The following DGKG variants were observed in gnomAD, a reference collection of about 807,000 sequenced individuals.
DGKG encodes diacylglycerol kinase gamma.
In DGKG, 78 loss-of-function variants were observed where a neutral mutation model predicts 105.3. The ratio of observed to expected loss-of-function variants is 0.74; its 90% CI spans 0.62 to 0.89. The LOEUF (loss-of-function observed/expected upper bound fraction) is 0.89, where lower values mean the gene tolerates loss of function less well. DGKG is among the 40% of genes least tolerant of loss of function. The pLI is 0.00. For synonymous variants in DGKG, 346 were observed against 367.1 expected (o/e 0.94, Z 0.66); for missense variants, 958 against 1,020.1 (o/e 0.94, Z 0.83).
At chr3:186,266,884 A>G (rs1396804307) in intron 13 of DGKG, among the ~76,000 whole-genome samples, 1 of 152,200 alleles carries the variant, frequency 6.6e-6, no homozygotes, top group Admixed American at 6.5e-5. Flanking sequence ...GGCATGAGCC[A>G]CCGTGGCTGG....
At chr3:186,173,211 G>A (rs1716907734) in intron 22 of DGKG, among the ~76,000 whole-genome samples, 1 of 152,220 alleles carries the variant, frequency 6.6e-6, no homozygotes, top group South Asian at 2.1e-4. Flanking sequence ...TGAGGTGCTG[G>A]GGGTTAGGGC....
intron 5 of DGKG, among the ~76,000 whole-genome samples, chr3:186,293,482 C>T (rs755624345): frequency 6.6e-6 from 1 of 152,202 alleles, no homozygotes; most frequent in Non-Finnish European, 1.5e-5. Flanking sequence ...AACACCAGGA[C>T]ACTGAAGTTC....
At chr3:186,232,684 T>C (rs1720212184) in intron 20 of DGKG, among the ~76,000 whole-genome samples, 1 of 152,212 alleles carries the variant, frequency 6.6e-6, no homozygotes, top group African/African-American at 2.4e-5. Context: ...AATAACACTG[T>C]CTGATGTATT....
At chr3:186,357,724 C>T (rs913935260) in intron 1 of DGKG, among the ~76,000 whole-genome samples, 3 of 152,178 alleles carry the variant, frequency 2.0e-5, no homozygotes, top group Non-Finnish European at 4.4e-5. Flanking sequence ...CTCATCTCTT[C>T]GGGGCTAGGC....
At chr3:186,299,315 G>A (rs565702385) in intron 3 of DGKG, among the ~76,000 whole-genome samples, 1 of 152,260 alleles carries the variant, frequency 6.6e-6, no homozygotes, top group South Asian at 2.1e-4. Context: ...GTCTGTTCTG[G>A]GAGATCTGGG....
At chr3:186,335,814 A>T (rs983110523) in intron 1 of DGKG, among the ~76,000 whole-genome samples, 5 of 152,224 alleles carry the variant, frequency 3.3e-5, no homozygotes, top group Non-Finnish European at 7.3e-5. Context: ...TTATTTCCAC[A>T]AGATTTCACC....
chr3:186,247,695 G>A (rs1721008617), intron 19 of DGKG, among the ~76,000 whole-genome samples: 1 of 151,922 alleles, frequency 6.6e-6, no homozygotes, highest in African/African-American at 2.4e-5. Flanking sequence ...ACATTTTATT[G>A]AGAGAAAGCC....
rs776994759 is a variant in DGKG at position 186,242,557 on chromosome 3, A to C, written c.1773T>G (p.Ile591Met). 3 of 1,613,588 alleles carry C rather than the reference A, an allele frequency of 1.9e-6. No individual in the cohort carries two copies. Among genetic ancestry groups the C allele is most frequent in the Non-Finnish European group, 2.5e-6 (3 of 1,179,692 alleles). ...CTCTCATCACATGGAATCTGTGTGC[A>C]ATGGAAGCGTCCTGAAAGTGAAAGA... Reference protein sequence around the residue: ...NYFSIGVDASIAHRFHVMREK... With the variant: ...NYFSIGVDASMAHRFHVMREK... Residue 591 changes from isoleucine (I) to methionine (M), a missense_variant, in exon 20 of 25, where the codon ATT becomes ATG. Ile to Met is a conservative substitution (Grantham distance 10). Transcript: ENST00000265022.
chr3:186,297,635 A>G (rs1175673969), intron 4 of DGKG, 152 bp from the exon 5 acceptor site: 3 of 638,172 alleles, frequency 4.7e-6, no homozygotes, highest in Non-Finnish European at 8.3e-6. Context: ...GCTTATTGGG[A>G]TTGGCTGTGT....
At chr3:186,313,517 A>G in intron 2 of DGKG, 5 of 985,360 alleles carry the variant, frequency 5.1e-6, no homozygotes, top group Non-Finnish European at 4.8e-6. Flanking sequence ...ATTTCAAGTG[A>G]AGGTGGAGGA....
At chr3:186,164,451 A>G (rs747000006) in intron 23 of DGKG, among the ~76,000 whole-genome samples, 22 of 152,224 alleles carry the variant, frequency 1.4e-4, no homozygotes, top group Non-Finnish European at 3.1e-4. Context: ...GGCTTAGCAT[A>G]CAAAGGTGTA....
chr3:186,356,804 C>A (rs1726985760), intron 1 of DGKG, among the ~76,000 whole-genome samples: 1 of 152,146 alleles, frequency 6.6e-6, no homozygotes, highest in Non-Finnish European at 1.5e-5. Context: ...GTTGCGAGAT[C>A]TTAAGAGCTG....
chr3:186,197,999 C>T (rs1319523010), intron 21 of DGKG, among the ~76,000 whole-genome samples: 3 of 152,166 alleles, frequency 2.0e-5, no homozygotes. Flanking sequence ...TGTCTGTCCC[C>T]TAGGAGACTT....
chr3:186,174,469 G>A (rs1716976422), intron 22 of DGKG, among the ~76,000 whole-genome samples: 2 of 152,056 alleles, frequency 1.3e-5, no homozygotes, highest in African/African-American at 4.8e-5. Flanking sequence ...GGTTGGGGGA[G>A]GATTCTGAAA....
intron 2 of DGKG, among the ~76,000 whole-genome samples, chr3:186,309,261 G>A (rs140112684): frequency 2.6e-5 from 4 of 151,960 alleles, no homozygotes; most frequent in Admixed American, 6.5e-5. Flanking sequence ...GAAGTGGAAA[G>A]GGTATTCTCG....
In DGKG at chr3:186,180,126, A is replaced by C. The variant is rs540016706; in HGVS notation, c.2095+8076T>G. 1.6e-4 allele frequency among the ~76,000 whole-genome samples: 25 copies of C among 152,302 alleles called. No individual in the cohort carries two copies. The South Asian group carries it at 5.2e-3, about 32-fold the overall frequency. ...ATAAATAATTATATGAGAGTTCCTC[A>C]AGCCAGTCGTGAAGGGAAACATGTG... On this transcript the variant is annotated intron_variant, in intron 22 of 24. Transcript: ENST00000265022.
intron 5 of DGKG, among the ~76,000 whole-genome samples, chr3:186,292,056 G>A (rs1351176728): frequency 6.6e-6 from 1 of 152,106 alleles, no homozygotes; most frequent in Non-Finnish European, 1.5e-5. Flanking sequence ...AAATAGCCCT[G>A]ACCTATGGCC....
chr3:186,343,317 G>A (rs1012773806), intron 1 of DGKG, among the ~76,000 whole-genome samples: 2 of 152,044 alleles, frequency 1.3e-5, no homozygotes, highest in African/African-American at 4.8e-5. Flanking sequence ...TGGAGACAAA[G>A]TCTCACTCTG....
intron 22 of DGKG, among the ~76,000 whole-genome samples, chr3:186,175,378 G>A (rs1717024021): frequency 6.6e-6 from 1 of 152,150 alleles, no homozygotes; most frequent in South Asian, 2.1e-4. Context: ...GTGGTGGGTG[G>A]GACGGGAAAA....
Sources: allele counts gnomAD v4.1 joint callset (sites outside exome capture counted in the v4.1 genomes callset), GRCh38; gene constraint gnomAD v4.1.1; transcripts MANE v1.5; gene names NCBI Gene and HGNC (gene_info 2026-07-23, HGNC 2026-07-21).